Variants in BCORL1 observed in about 807,000 individuals in gnomAD.
BCORL1 encodes the protein BCL-6 corepressor-like protein 1.
BCORL1 carries 7 observed loss-of-function variants against 87.6 expected under a neutral mutation model. The ratio of observed to expected loss-of-function variants is 0.08; its 90% CI spans 0.05 to 0.15. The LOEUF (loss-of-function observed/expected upper bound fraction) is 0.15, where lower values mean the gene tolerates loss of function less well. BCORL1 is among the 10% of genes least tolerant of loss of function. The probability of loss-of-function intolerance (pLI) is 1.00; values close to 1 mark genes in which losing one functional copy is unlikely to be tolerated. For synonymous variants in BCORL1, 591 were observed against 634.4 expected (o/e 0.93, Z 1.03); for missense variants, 1,215 against 1,499.7 (o/e 0.81, Z 3.13).
chrX:130,011,811 G>A (rs762546581), intron 2 of BCORL1, among the ~76,000 whole-genome samples: 1 of 110,535 alleles, frequency 9.0e-6, no homozygotes, highest in South Asian at 3.9e-4. Context: ...GGAGACTGAT[G>A]GGGGGGCAGG....
At chrX:129,990,552 A>G (rs987867498) in intron 1 of BCORL1, among the ~76,000 whole-genome samples, 2 of 110,318 alleles carry the variant, frequency 1.8e-5, no homozygotes, top group East Asian at 5.7e-4. Context: ...TTATTATCTA[A>G]TTTTTCTTGT....
At chrX:130,020,044 G>A (rs984421897) in intron 4 of BCORL1, among the ~76,000 whole-genome samples, 1 of 112,499 alleles carries the variant, frequency 8.9e-6, no homozygotes, top group Admixed American at 9.4e-5. Flanking sequence ...AGCCGAGGAA[G>A]TGATTCAGGG....
At chrX:130,012,494 C>T in intron 2 of BCORL1, 84 bp from the exon 3 acceptor site, 1 of 792,892 alleles carries the variant, frequency 1.3e-6, no homozygotes, top group Non-Finnish European at 1.9e-6. Flanking sequence ...GGGACCCAGG[C>T]AGGCAGGAGG....
chrX:130,007,763 A>C (rs756600672), intron 2 of BCORL1, among the ~76,000 whole-genome samples: 10 of 112,002 alleles, frequency 8.9e-5, no homozygotes, highest in African/African-American at 2.9e-4. Context: ...GCACCACTGC[A>C]CTCCAACCGG....
At position 130,015,909 on chromosome X, in the gene BCORL1, T is replaced by C. The variant is rs1435293196; in HGVS notation, c.3137T>C (p.Leu1046Pro). 1.7e-6 allele frequency: 2 copies of C among 1,211,797 alleles called. No homozygotes were observed. Among genetic ancestry groups the C allele is most frequent in the Non-Finnish European group, 2.2e-6 (2 of 895,560 alleles). Residue 1046 changes from leucine (L) to proline (P), a missense_variant, in exon 4 of 14, where the codon CTG becomes CCG. By Grantham distance (98) the Leu-to-Pro change is moderately conservative (BLOSUM62 -3). Transcript: ENST00000540052. ...CCACAGCTTGGAAGCCAGGTGGATC[T>C]GGGGCGAGTGAAAATGGAGAAGGTG... ...ERPQLGSQVD[L>P]GRVKMEKVDG...
chrX:130,020,143 G>A (rs1375342620), intron 4 of BCORL1, among the ~76,000 whole-genome samples: 1 of 112,483 alleles, frequency 8.9e-6, no homozygotes, highest in Non-Finnish European at 1.9e-5. Flanking sequence ...CTTTCTCACT[G>A]CAAGCACAAA....
At chrX:130,052,133 A>G (rs1932113248) in intron 13 of BCORL1, 117 bp downstream of exon 13, 1 of 766,957 alleles carries the variant, frequency 1.3e-6, no homozygotes, top group Non-Finnish European at 1.8e-6. Flanking sequence ...CACATGACAA[A>G]GGCTAGCCTG....
rs751805058 is a variant in BCORL1 at position 130,025,246 on chromosome X, TGAG to T, written c.3957_3959del (p.Glu1324del). ...CTGCCCGGCAAATGTGGGACACCAA[TGAG>T]GAGGAGGAGGAAGAAGAGGAGGAGG... is the stretch of plus-strand genomic sequence containing the variant. On this transcript the variant is annotated inframe_deletion, in exon 7 of 14. Transcript: ENST00000540052. The T allele has an allele frequency of 1.7e-6, 2 of 1,206,001 alleles. No homozygotes were observed. The highest frequency in any genetic ancestry group is 2.2e-6 in the Non-Finnish European group (2 of 893,669).
chrX:130,001,524 C>T (rs1474936227), intron 1 of BCORL1, among the ~76,000 whole-genome samples: 2 of 111,478 alleles, frequency 1.8e-5, no homozygotes, highest in East Asian at 2.8e-4. Flanking sequence ...TGAGGACAAC[C>T]AGAGAGGGAG....
chrX:130,050,142 G>A (rs946672688), intron 11 of BCORL1, among the ~76,000 whole-genome samples: 24 of 110,945 alleles, frequency 2.2e-4, no homozygotes, highest in African/African-American at 5.9e-4. Flanking sequence ...TAAAAATGTC[G>A]GAAGTGGGGC....
chrX:129,995,305 C>T (rs1381752927), intron 1 of BCORL1, among the ~76,000 whole-genome samples: 1 of 111,236 alleles, frequency 9.0e-6, no homozygotes, highest in African/African-American at 3.3e-5. Flanking sequence ...CACGTCTGGC[C>T]TCTCTATGGG....
At chrX:129,990,548 T>A (rs1927053236) in intron 1 of BCORL1, among the ~76,000 whole-genome samples, 1 of 111,835 alleles carries the variant, frequency 8.9e-6, no homozygotes, top group Non-Finnish European at 1.9e-5. Context: ...TATATTATTA[T>A]CTAATTTTTC....
intron 3 of BCORL1, 40 bp downstream of exon 3, chrX:130,012,708 A>G (rs777346125): frequency 1.9e-5 from 22 of 1,143,483 alleles, no homozygotes; most frequent in Non-Finnish European, 2.6e-5. Context: ...CCACCAAAGG[A>G]TGGAGCTGAG....
Position 130,050,845 on chromosome X carries a change from G to A in BCORL1, c.4918+51G>A, listed in dbSNP as rs369204987. ...ACCCTTCTTCTCAAGGACAGGAGTA[G>A]CCCTGTGGTGGTATCCCTTCTTCAC... is the stretch of plus-strand genomic sequence containing the variant. On this transcript the variant is annotated intron_variant, in intron 12 of 13. Transcript: ENST00000540052. The A allele has an allele frequency of 2.8e-5, 29 of 1,049,126 alleles. No homozygotes were observed. The African/African-American group carries it at 5.0e-4, about 18-fold the overall frequency. 86.5% of individuals were successfully genotyped at this position (1,049,126 alleles called of 1,213,427 possible).
At chrX:130,018,522 G>A (rs1197944810) in intron 4 of BCORL1, among the ~76,000 whole-genome samples, 1 of 112,642 alleles carries the variant, frequency 8.9e-6, no homozygotes, top group African/African-American at 3.2e-5. Context: ...ATTAAAGAAC[G>A]TGATATACAT....
chrX:130,056,260 C>G lies in BCORL1; in HGVS notation c.*124C>G. The G allele has an allele frequency of 5.4e-6, 4 of 742,761 alleles. No homozygotes were observed. The highest frequency in any genetic ancestry group is 7.5e-6 in the Non-Finnish European group (4 of 530,553). The allele number at this position is 742,761 out of a possible 1,213,427, so 61.2% of individuals were successfully genotyped here. A position where few individuals can be genotyped will look rare whatever the true frequency, so the allele number is the denominator to read the frequency against. On this transcript the variant is annotated 3_prime_UTR_variant, in exon 14 of 14. Coordinates refer to ENST00000540052, the MANE Select transcript of BCORL1 (RefSeq NM_001379451.1). ...AATAATACGGACCAACAAGAAGCCG[C>G]CTTATCAATGCCAGCATTAGCGACT...
intron 9 of BCORL1, among the ~76,000 whole-genome samples, chrX:130,036,956 G>A (rs961030001): frequency 7.1e-5 from 8 of 112,346 alleles, no homozygotes; most frequent in African/African-American, 2.6e-4. Flanking sequence ...GACCAGCCTG[G>A]CCAACATAGT....
chrX:129,982,085 G>C (rs1274897854), upstream of BCORL1, among the ~76,000 whole-genome samples: 1 of 110,528 alleles, frequency 9.0e-6, no homozygotes, highest in Non-Finnish European at 1.9e-5. Flanking sequence ...CCAGTGGCCT[G>C]AGAAAGTCAG....
At chrX:130,001,512 C>T (rs1240007135) in intron 1 of BCORL1, among the ~76,000 whole-genome samples, 1 of 111,669 alleles carries the variant, frequency 9.0e-6, no homozygotes, top group African/African-American at 3.3e-5. Context: ...GGAGTAAATA[C>T]TTGAGGACAA....
Sources: allele counts gnomAD v4.1 joint callset (sites outside exome capture counted in the v4.1 genomes callset), GRCh38; gene constraint gnomAD v4.1.1; transcripts MANE v1.5; gene names NCBI Gene and HGNC (gene_info 2026-07-23, HGNC 2026-07-21).